Variants in LTBP1 observed in about 807,000 individuals in gnomAD.
LTBP1 encodes the protein latent transforming growth factor beta binding protein 1, also known as latent-transforming growth factor beta-binding protein 1.
LTBP1 carries 129 observed loss-of-function variants against 207.6 expected under a neutral mutation model. That is an observed-to-expected ratio of 0.62 (90% CI 0.54 to 0.72). The LOEUF (loss-of-function observed/expected upper bound fraction) is 0.72, where lower values mean the gene tolerates loss of function less well. Ranked by LOEUF, LTBP1 falls within the 30% of genes least tolerant of loss-of-function variation. The pLI, the probability that LTBP1 is intolerant of heterozygous loss-of-function variation, is 0.00. For synonymous variants in LTBP1, 963 were observed against 833.7 expected (o/e 1.16, Z -2.67); for missense variants, 2,281 against 2,217.2 (o/e 1.03, Z -0.58).
At chr2:33,365,071 G>T (rs113379767) in intron 30 of LTBP1, among the ~76,000 whole-genome samples, 1,809 of 152,288 alleles carry the variant, frequency 0.012, 17 homozygotes, top group Non-Finnish European at 0.019. Context: ...AAGATAGTGG[G>T]CATTTTATAT....
chr2:33,086,193 C>T (rs1046853013), intron 3 of LTBP1, among the ~76,000 whole-genome samples: 1 of 152,222 alleles, frequency 6.6e-6, no homozygotes, highest in South Asian at 2.1e-4. Context: ...GCTTGGCATT[C>T]AGGTACAGAT....
At chr2:33,020,297 C>T (rs2149214144) in intron 2 of LTBP1, among the ~76,000 whole-genome samples, 1 of 152,106 alleles carries the variant, frequency 6.6e-6, no homozygotes, top group South Asian at 2.1e-4. Context: ...AACATGAGGT[C>T]TATAGGAGAG....
At chr2:33,123,499 A>G (rs1558666422) in intron 4 of LTBP1, among the ~76,000 whole-genome samples, 2 of 152,178 alleles carry the variant, frequency 1.3e-5, no homozygotes, top group Admixed American at 6.5e-5. Flanking sequence ...GCAAAATTAG[A>G]TGCCTCTCTT....
At chr2:33,151,827 GT>G (rs1486897370) in intron 5 of LTBP1, among the ~76,000 whole-genome samples, 1 of 1,580 alleles carries the variant, frequency 6.3e-4, no homozygotes, top group Non-Finnish European at 1.2e-3. Flanking sequence ...TCCATTTTGT[GT>G]GTGTGTGTGT....
intron 5 of LTBP1, among the ~76,000 whole-genome samples, chr2:33,173,514 T>G (rs570140012): frequency 7.6e-4 from 115 of 152,256 alleles, no homozygotes; most frequent in African/African-American, 2.5e-3. Flanking sequence ...CAATAATCAC[T>G]AGCTTACCAA....
chr2:33,034,755 A>G (rs1173678394), intron 3 of LTBP1, among the ~76,000 whole-genome samples: 1 of 152,204 alleles, frequency 6.6e-6, no homozygotes, highest in Non-Finnish European at 1.5e-5. Context: ...CATCTGGTTA[A>G]AAATTTGAGG....
intron 3 of LTBP1, among the ~76,000 whole-genome samples, chr2:33,060,651 CTGTGTGTG>C (rs10693285): frequency 2.7e-5 from 4 of 146,752 alleles, no homozygotes; most frequent in Middle Eastern, 3.4e-3. Flanking sequence ...AAATTCAGAT[CTGTGTGTG>C]TGTGTGTGTG....
chr2:33,276,808 G>A (rs1249163272), intron 18 of LTBP1, among the ~76,000 whole-genome samples: 2 of 152,236 alleles, frequency 1.3e-5, no homozygotes, highest in Non-Finnish European at 2.9e-5. Flanking sequence ...CTGAGATCAT[G>A]CCACTGCATT....
At chr2:33,273,881 A>G in intron 16 of LTBP1, 100 bp downstream of exon 16, 2 of 1,117,176 alleles carry the variant, frequency 1.8e-6, no homozygotes, top group Non-Finnish European at 2.4e-6. Context: ...GGAAAGTGTT[A>G]CTGGTTTAAT....
At chr2:33,270,803 A>T (rs748977754) in intron 15 of LTBP1, among the ~76,000 whole-genome samples, 3 of 152,042 alleles carry the variant, frequency 2.0e-5, no homozygotes, top group Non-Finnish European at 4.4e-5. Flanking sequence ...CTTACATGTA[A>T]CGTGATCCTG....
intron 24 of LTBP1, among the ~76,000 whole-genome samples, chr2:33,330,110 A>T (rs2167973): frequency 6.6e-6 from 1 of 151,904 alleles, no homozygotes; most frequent in Non-Finnish European, 1.5e-5. Flanking sequence ...ACTTATTCCT[A>T]GGTCTTCAAG....
At chr2:32,995,792 ACAAAC>A (rs1221941260) in intron 2 of LTBP1, among the ~76,000 whole-genome samples, 1 of 152,100 alleles carries the variant, frequency 6.6e-6, no homozygotes, top group Non-Finnish European at 1.5e-5. Context: ...CTGTCTCAAA[ACAAAC>A]AAACAAACAA....
chr2:33,201,208 C>G (rs964926279), intron 7 of LTBP1, among the ~76,000 whole-genome samples: 1 of 152,036 alleles, frequency 6.6e-6, no homozygotes, highest in East Asian at 1.9e-4. Flanking sequence ...TTCACAATAG[C>G]AAAGACTTGG....
intron 5 of LTBP1, among the ~76,000 whole-genome samples, chr2:33,180,658 G>A (rs970149631): frequency 5.3e-5 from 8 of 152,060 alleles, no homozygotes; most frequent in African/African-American, 1.9e-4. Flanking sequence ...GGTATGCCTT[G>A]TTGACCAGGC....
At chr2:33,051,431 A>C (rs1267950905) in intron 3 of LTBP1, among the ~76,000 whole-genome samples, 1 of 152,078 alleles carries the variant, frequency 6.6e-6, no homozygotes, top group Non-Finnish European at 1.5e-5. Context: ...ATAAGAAAAA[A>C]AACACACACA....
At chr2:33,213,944 G>T (rs952484256) in intron 7 of LTBP1, among the ~76,000 whole-genome samples, 2 of 152,160 alleles carry the variant, frequency 1.3e-5, no homozygotes, top group Non-Finnish European at 2.9e-5. Flanking sequence ...TGAAAACCTT[G>T]TACCTTTCTG....
intron 24 of LTBP1, among the ~76,000 whole-genome samples, chr2:33,338,639 AGAG>A (rs1043246769): frequency 1.3e-5 from 2 of 152,192 alleles, no homozygotes; most frequent in Non-Finnish European, 2.9e-5. Context: ...GAGGTGCTGC[AGAG>A]GAGGTGTCTC....
At chr2:33,306,660 A>C (rs771399810) in intron 22 of LTBP1, among the ~76,000 whole-genome samples, 7 of 151,688 alleles carry the variant, frequency 4.6e-5, no homozygotes, top group Non-Finnish European at 8.8e-5. Flanking sequence ...TTTTTCTTGT[A>C]GAAATTCATA....
chr2:33,383,579 T>C (rs1410636933), intron 31 of LTBP1, among the ~76,000 whole-genome samples: 1 of 152,218 alleles, frequency 6.6e-6, no homozygotes, highest in African/African-American at 2.4e-5. Context: ...TCTTTCTTTT[T>C]TTAGATAGGG....
Sources: gnomAD v4.1 joint callset for allele counts (sites outside exome capture counted in the v4.1 genomes callset) on GRCh38, gnomAD v4.1.1 for gene constraint, MANE v1.5 for transcripts, NCBI Gene and HGNC (gene_info 2026-07-23, HGNC 2026-07-21) for gene names.